The following ZNF618 variants were observed in gnomAD, a reference collection of about 807,000 sequenced individuals.
ZNF618 encodes neural precursor cell expressed, developmentally down-regulated 10.
In ZNF618, 34 loss-of-function variants were observed where a neutral mutation model predicts 103.0. The observed-to-expected ratio is 0.33, with a 90% CI of 0.25 to 0.44. ZNF618 has a LOEUF of 0.44. ZNF618 is among the 20% of genes least tolerant of loss of function. ZNF618 has a pLI of 1.00. For synonymous variants in ZNF618, 551 were observed against 542.2 expected (o/e 1.02, Z -0.23); for missense variants, 1,059 against 1,295.4 (o/e 0.82, Z 2.80).
At chr9:114,036,420 C>T in intron 13 of ZNF618, 43 bp downstream of exon 13, 3 of 1,543,732 alleles carry the variant, frequency 1.9e-6, no homozygotes, top group Non-Finnish European at 8.8e-7. Context: ...TTCCTCAGTT[C>T]CTGCAAATTG....
intron 1 of ZNF618, among the ~76,000 whole-genome samples, chr9:113,967,554 G>C (rs1837532172): frequency 6.6e-6 from 1 of 152,132 alleles, no homozygotes; most frequent in South Asian, 2.1e-4. Flanking sequence ...AAATGCTCCA[G>C]AACTGAGGAT....
intron 13 of ZNF618, among the ~76,000 whole-genome samples, chr9:114,041,091 G>A (rs1436301445): frequency 6.6e-6 from 1 of 152,176 alleles, no homozygotes; most frequent in Non-Finnish European, 1.5e-5. Context: ...GTGATGATGA[G>A]CATTTTTTCA....
chr9:114,036,167 G>T (rs747961416), intron 12 of ZNF618, 133 bp from the exon 13 acceptor site: 2 of 739,192 alleles, frequency 2.7e-6, no homozygotes, highest in Non-Finnish European at 4.6e-6. Context: ...GAGGCAGGCA[G>T]GCTGGGCCCG....
intron 2 of ZNF618, among the ~76,000 whole-genome samples, chr9:113,973,045 C>A (rs550585809): frequency 6.6e-6 from 1 of 152,100 alleles, no homozygotes; most frequent in Non-Finnish European, 1.5e-5. Context: ...CCACTGCACT[C>A]CAGCCTGGAC....
At chr9:113,925,901 CTG>C (rs1833043623) in intron 1 of ZNF618, among the ~76,000 whole-genome samples, 1 of 152,104 alleles carries the variant, frequency 6.6e-6, no homozygotes, top group Non-Finnish European at 1.5e-5. Context: ...AAACTGTTAT[CTG>C]TTAGGTAAGA....
intron 1 of ZNF618, among the ~76,000 whole-genome samples, chr9:113,922,477 G>GTTTT (rs71367740): frequency 1.2e-4 from 16 of 132,956 alleles, no homozygotes; most frequent in East Asian, 2.4e-4. Flanking sequence ...GTTTTGGTTT[G>GTTTT]TTTTTTTTTT....
chr9:113,986,695 G>T (rs575526404), intron 2 of ZNF618, among the ~76,000 whole-genome samples: 1 of 152,264 alleles, frequency 6.6e-6, no homozygotes, highest in East Asian at 1.9e-4. Flanking sequence ...TCACACTGGG[G>T]GTTAGGGCTT....
chr9:113,898,756 C>G (rs559846207), intron 1 of ZNF618, among the ~76,000 whole-genome samples: 43 of 152,318 alleles, frequency 2.8e-4, no homozygotes, highest in Admixed American at 4.6e-4. Context: ...ATTTATAGAT[C>G]AGCGATGCAG....
At chr9:114,023,917 G>A (rs889309299) in intron 10 of ZNF618, among the ~76,000 whole-genome samples, 1 of 152,098 alleles carries the variant, frequency 6.6e-6, no homozygotes, top group African/African-American at 2.4e-5. Context: ...TTCATTATTT[G>A]TGTTTATCCT....
rs901164838 is a variant in ZNF618, at chr9:114,056,527, T to G, written c.*6360T>G. The G allele has an allele frequency of 6.6e-6, 1 of 152,240 alleles. No individual in the cohort carries two copies. Among genetic ancestry groups the G allele is most frequent in the African/African-American group, 2.4e-5 (1 of 41,470 alleles). The allele number at this position is 152,240 out of a possible 1,614,324, so 9.4% of individuals were successfully genotyped here. A position where few individuals can be genotyped will look rare whatever the true frequency, so the allele number is the denominator to read the frequency against. ...GATAACTTTTAACAGTTAGAGAGGA[T>G]CAGTTGCTTAAATGATTTCATGTCA... On this transcript the variant is annotated 3_prime_UTR_variant, in exon 15 of 15. Transcript: ENST00000374126.
At chr9:113,980,692 G>C (rs1178264359) in intron 2 of ZNF618, among the ~76,000 whole-genome samples, 1 of 152,218 alleles carries the variant, frequency 6.6e-6, no homozygotes, top group Admixed American at 6.5e-5. Flanking sequence ...GAGCTGGAGT[G>C]ATGAAGAGGA....
At chr9:114,017,558 G>T (rs1294278020) in intron 10 of ZNF618, among the ~76,000 whole-genome samples, 1 of 152,194 alleles carries the variant, frequency 6.6e-6, no homozygotes, top group African/African-American at 2.4e-5. Context: ...TCTTTCATGT[G>T]CAGGTGCAGA....
At chr9:113,986,733 C>T (rs1839521537) in intron 2 of ZNF618, among the ~76,000 whole-genome samples, 1 of 152,206 alleles carries the variant, frequency 6.6e-6, no homozygotes, top group African/African-American at 2.4e-5. Context: ...GCACATAGTT[C>T]AGTCCATAGC....
chr9:114,046,058 A>G (rs1479107289), intron 13 of ZNF618, among the ~76,000 whole-genome samples: 1 of 152,098 alleles, frequency 6.6e-6, no homozygotes. Context: ...TTTGTTTTAT[A>G]TATTGATCTT....
chr9:113,889,750 C>T (rs1399650746), intron 1 of ZNF618, among the ~76,000 whole-genome samples: 2 of 152,212 alleles, frequency 1.3e-5, no homozygotes, highest in Non-Finnish European at 2.9e-5. Context: ...TACCCACTCA[C>T]CCATTCCATC....
chr9:113,989,178 A>T (rs1009335435), intron 3 of ZNF618, among the ~76,000 whole-genome samples: 1 of 152,218 alleles, frequency 6.6e-6, no homozygotes, highest in African/African-American at 2.4e-5. Context: ...CATGAGGCCC[A>T]ACAAATATGT....
Position 113,988,331 on chromosome 9 carries a change from A to C in ZNF618, c.88A>C (p.Lys30Gln), listed in dbSNP as rs1369197144. Residue 30 changes from lysine to glutamine, a missense_variant, in exon 3 of 15, where the codon AAG (lysine) becomes CAG (glutamine). Lys to Gln is a moderately conservative substitution (Grantham distance 53). Transcript: ENST00000374126. ...RKSTASRERL[K>Q]RSQKSTKVEG... is the part of the protein sequence containing the mutation. ...TTTCTTCTTTCCCAGGGAGCGCTTG[A>C]AGCGCAGCCAGAAGAGCACCAAGGT... 8.1e-6 allele frequency: 13 copies of C among 1,611,882 alleles called. No homozygotes were observed. The African/African-American group carries it at 1.2e-4, about 15-fold the overall frequency.
At chr9:113,947,541 G>T (rs2132201428) in intron 1 of ZNF618, among the ~76,000 whole-genome samples, 1 of 152,292 alleles carries the variant, frequency 6.6e-6, no homozygotes, top group African/African-American at 2.4e-5. Context: ...ACCCCTACCG[G>T]AACCTTCCAG....
intron 1 of ZNF618, 27 bp from the exon 2 acceptor site, chr9:113,969,090 T>C (rs776186981): frequency 6.2e-7 from 1 of 1,613,850 alleles, no homozygotes. Flanking sequence ...CCTTGGCTGA[T>C]GTAGGTGTTT....
Sources: allele counts gnomAD v4.1 joint callset (sites outside exome capture counted in the v4.1 genomes callset), GRCh38; gene constraint gnomAD v4.1.1; transcripts MANE v1.5; gene names NCBI Gene and HGNC (gene_info 2026-07-23, HGNC 2026-07-21).